Variants in SMARCA2 observed in about 807,000 individuals in gnomAD.
SMARCA2 encodes SWI/SNF-related matrix-associated actin-dependent regulator of chromatin subfamily A member 2.
A neutral mutation model predicts 199.8 loss-of-function variants in SMARCA2; 61 were observed. That is an observed-to-expected ratio of 0.31 (90% CI 0.25 to 0.38). SMARCA2 has a LOEUF of 0.38. Ranked by LOEUF, SMARCA2 falls within the 10% of genes least tolerant of loss-of-function variation. The pLI, the probability that SMARCA2 is intolerant of heterozygous loss-of-function variation, is 1.00. For synonymous variants in SMARCA2, 935 were observed against 732.0 expected, an observed-to-expected ratio of 1.28 and a Z score of -4.48; for missense variants, 1,344 against 2,012.2, an observed-to-expected ratio of 0.67 and a Z score of 6.35.
In SMARCA2 at chr9:2,081,843, G is replaced by C. The variant is rs900156258; in HGVS notation, c.2196G>C (p.Leu732=). ...GTLKHYQLQG[L]EWMVSLYNNN... ...ACTCTTCATTTCAGCTCCAGGGCCT[G>C]GAATGGATGGTTTCCCTGTATAATA... Residue 732 remains leucine (L), a synonymous_variant, in exon 15 of 34, where the codon CTG becomes CTC. Transcript: ENST00000349721. 1.9e-6 allele frequency: 3 copies of C among 1,613,940 alleles called. No homozygotes were observed. The East Asian group carries it at 6.7e-5, about 36-fold the overall frequency.
At chr9:2,069,173 C>G (rs1447057723) in intron 9 of SMARCA2, 2 of 151,716 alleles carry the variant, frequency 1.3e-5, no homozygotes, top group East Asian at 3.9e-4. Context: ...GCCTCGGCCT[C>G]TCAAAGTGCT....
chr9:2,057,239 G>C (rs950873822), intron 7 of SMARCA2, among the ~76,000 whole-genome samples: 1 of 152,304 alleles, frequency 6.6e-6, no homozygotes, highest in South Asian at 2.1e-4. Flanking sequence ...CTTCTTCTGG[G>C]TTGCAAACTG....
intron 29 of SMARCA2, among the ~76,000 whole-genome samples, chr9:2,171,954 C>T (rs570234306): frequency 1.3e-5 from 2 of 152,244 alleles, no homozygotes; most frequent in African/African-American, 2.4e-5. Flanking sequence ...GATGACATGA[C>T]GGTATATGGT....
At chr9:2,055,864 T>C (rs1324032931) in intron 6 of SMARCA2, among the ~76,000 whole-genome samples, 1 of 152,354 alleles carries the variant, frequency 6.6e-6, no homozygotes, top group East Asian at 1.9e-4. Context: ...TTCCGGAATA[T>C]GTTTATGTTC....
At position 2,039,818 on chromosome 9, in the gene SMARCA2, A is replaced by AG. The variant is rs1554615554; in HGVS notation, c.708_709insG (p.Gln237AlafsTer22). On this transcript the variant is annotated frameshift_variant, in exon 4 of 34. Transcript: ENST00000349721. LOFTEE classifies it high-confidence loss of function. The surrounding 1 kb of genome is among the most constrained non-coding windows in gnomAD (Gnocchi z 4.8). ...AGCAGCAGCAGCAGCAGCAGCAGCA[A>AG]CAGCAGCCGCAGCAGCAGCCGCCGC... 22 of 1,586,168 alleles carry AG rather than the reference A, an allele frequency of 1.4e-5. No individual in the cohort carries two copies. The highest frequency in any genetic ancestry group is 6.9e-5 in the South Asian group (6 of 87,444).
In SMARCA2 at chr9:2,039,746, G is replaced by A; in HGVS notation, c.636G>A (p.Leu212=). The A allele has an allele frequency of 6.2e-7, 1 of 1,613,904 alleles. No individual in the cohort carries two copies. Among genetic ancestry groups the A allele is most frequent in the Non-Finnish European group, 8.5e-7 (1 of 1,180,000 alleles). The change falls in exon 4 of 34, where the codon TTG becomes TTA. Residue 212 remains leucine, a synonymous_variant. Coordinates refer to ENST00000349721, the MANE Select transcript of SMARCA2 (RefSeq NM_003070.5). The surrounding 1 kb of genome is among the most constrained non-coding windows in gnomAD (Gnocchi z 4.8). ...LQLAVQGKRT[L]PGLQQQQQQQ... ...TTGCAGTCCAGGGGAAAAGGACGTTGCCTGGCTTGCAGCAACAACAGCAGC... is the reference window on the plus strand; with the variant it reads ...TTGCAGTCCAGGGGAAAAGGACGTTACCTGGCTTGCAGCAACAACAGCAGC...
chr9:2,175,391 CA>C (rs944805617), intron 29 of SMARCA2, among the ~76,000 whole-genome samples: 10 of 149,652 alleles, frequency 6.7e-5, no homozygotes, highest in African/African-American at 2.5e-4. Context: ...GTAATAAATG[CA>C]ATGGGAGAAT....
At chr9:2,166,611 C>CA (rs1437495160) in intron 28 of SMARCA2, among the ~76,000 whole-genome samples, 2 of 152,100 alleles carry the variant, frequency 1.3e-5, no homozygotes, top group African/African-American at 4.8e-5. Context: ...TTTATCTATG[C>CA]AAAAATTATG....
intron 27 of SMARCA2, among the ~76,000 whole-genome samples, chr9:2,134,644 C>T (rs1472159302): frequency 1.3e-5 from 2 of 152,176 alleles, no homozygotes; most frequent in South Asian, 2.1e-4. Flanking sequence ...GGACAGGTCT[C>T]CTGACCTTCC....
chr9:2,053,469 C>G (rs1457312950), intron 5 of SMARCA2, among the ~76,000 whole-genome samples: 6 of 152,162 alleles, frequency 3.9e-5, no homozygotes, highest in African/African-American at 1.2e-4. Context: ...TGGCCCCCTT[C>G]TTTACTAGCT....
Position 2,088,556 on chromosome 9 carries a change from A to G in SMARCA2, c.2826A>G (p.Leu942=), listed in dbSNP as rs1563760598. Residue 942 remains leucine, a synonymous_variant, in exon 19 of 34, where the codon TTA becomes TTG. Coordinates refer to ENST00000349721, the MANE Select transcript of SMARCA2 (RefSeq NM_003070.5). ...ILIIRRLHKV[L]RPFLLRRLKK... is the part of the protein sequence containing the mutation. ...TCATCAGGCGTCTACATAAGGTGTT[A>G]AGACCATTTTTACTAAGGAGACTGA... 4 of 1,598,500 alleles carry G rather than the reference A, an allele frequency of 2.5e-6. No homozygotes were observed. The South Asian group carries it at 3.5e-5, about 14-fold the overall frequency.
intron 31 of SMARCA2, among the ~76,000 whole-genome samples, chr9:2,185,007 T>C (rs1827335737): frequency 6.6e-6 from 1 of 152,234 alleles, no homozygotes; most frequent in South Asian, 2.1e-4. Context: ...AGGGGTTGTT[T>C]TATTTTCCTT....
intron 9 of SMARCA2, among the ~76,000 whole-genome samples, chr9:2,067,574 A>G (rs1281258308): frequency 6.6e-6 from 1 of 152,234 alleles, no homozygotes; most frequent in Non-Finnish European, 1.5e-5. Context: ...CCAGTCCTGC[A>G]GAAGCCCTAG....
intron 27 of SMARCA2, among the ~76,000 whole-genome samples, chr9:2,133,314 TA>T (rs1372922839): frequency 6.6e-6 from 1 of 152,228 alleles, no homozygotes; most frequent in Non-Finnish European, 1.5e-5. Flanking sequence ...TTTTTTACTT[TA>T]TTTTTTTAAG....
At chr9:2,178,705 C>CTT (rs560001609) in intron 29 of SMARCA2, among the ~76,000 whole-genome samples, 2 of 151,714 alleles carry the variant, frequency 1.3e-5, no homozygotes, top group Non-Finnish European at 2.9e-5. Flanking sequence ...GCTTCACTTC[C>CTT]TTTTTTGTTT....
At chr9:2,159,926 G>A (rs192145143) in intron 27 of SMARCA2, 51 of 1,602,818 alleles carry the variant, frequency 3.2e-5, no homozygotes, top group African/African-American at 6.7e-5. Context: ...ATCCTTTTTC[G>A]TTGCCGTCTT....
chr9:2,057,796 A>T (rs1024901406), intron 7 of SMARCA2, among the ~76,000 whole-genome samples: 1 of 152,146 alleles, frequency 6.6e-6, no homozygotes, highest in African/African-American at 2.4e-5. Flanking sequence ...GTGTAAATAG[A>T]GTATATATTT....
chr9:2,034,442 G>A (rs748545875), intron 3 of SMARCA2, among the ~76,000 whole-genome samples: 2 of 151,976 alleles, frequency 1.3e-5, no homozygotes, highest in African/African-American at 2.4e-5. Flanking sequence ...AACTATTCAC[G>A]TACCTCAAAG....
chr9:2,044,269 TGTG>T (rs1757394905), intron 4 of SMARCA2: 1 of 152,246 alleles, frequency 6.6e-6, no homozygotes, highest in Non-Finnish European at 1.5e-5. Flanking sequence ...TAAATGAACT[TGTG>T]GTGTTTAGCT....
Sources: gnomAD v4.1 joint callset for allele counts (sites outside exome capture counted in the v4.1 genomes callset) on GRCh38, gnomAD v4.1.1 for gene constraint, Gnocchi (gnomAD v3.1) non-coding constraint, MANE v1.5 for transcripts, NCBI Gene and HGNC (gene_info 2026-07-23, HGNC 2026-07-21) for gene names.